The following POMGNT1 variants were observed in gnomAD, a reference collection of about 807,000 sequenced individuals.
POMGNT1 encodes protein O-linked mannose N-acetylglucosaminyltransferase 1 (beta 1,2-).
A neutral mutation model predicts 95.6 loss-of-function variants in POMGNT1; 67 were observed. That is an observed-to-expected ratio of 0.70 (90% confidence interval 0.58 to 0.86). The LOEUF (loss-of-function observed/expected upper bound fraction) is 0.86. POMGNT1 is among the 40% of genes least tolerant of loss of function. The pLI, the probability that POMGNT1 is intolerant of heterozygous loss-of-function variation, is 0.00. For missense variants in POMGNT1, 719 were observed against 855.2 expected (o/e 0.84, Z 1.99); for synonymous variants, 298 against 317.9 (o/e 0.94, Z 0.66).
chr1:46,206,358 G>T (rs142815979), intron 1 of POMGNT1, among the ~76,000 whole-genome samples: 143 of 152,228 alleles, frequency 9.4e-4, no homozygotes, highest in African/African-American at 3.3e-3. Context: ...CCCGCTCTGG[G>T]AGCTCGGACT....
chr1:46,192,326 C>G lies in POMGNT1; in HGVS notation c.1395G>C (p.Lys465Asn), dbSNP rs1657843296. Residue 465 changes from lysine to asparagine, a missense_variant, in exon 16 of 22, where the codon AAG (lysine) becomes AAC (asparagine). Lys to Asn is a moderately conservative substitution (Grantham distance 94). Coordinates refer to ENST00000371984, the MANE Select transcript of POMGNT1 (RefSeq NM_017739.4). ...RSLYKEELEP[K>N]WPTPEKLWDW... ...CAGTTACCTTTTCCGGTGTAGGCCACTTGGGCTCAAGCTCCTCCTTGTACA... is the reference window on the plus strand; with the variant it reads ...CAGTTACCTTTTCCGGTGTAGGCCAGTTGGGCTCAAGCTCCTCCTTGTACA... 2 of 1,614,180 alleles carry G rather than the reference C, an allele frequency of 1.2e-6. No individual in the cohort carries two copies. Among genetic ancestry groups the G allele is most frequent in the Admixed American group, 3.3e-5 (2 of 60,030 alleles).
chr1:46,208,369 T>C (rs927149785), intron 1 of POMGNT1, among the ~76,000 whole-genome samples: 62 of 152,168 alleles, frequency 4.1e-4, no homozygotes, highest in Non-Finnish European at 2.6e-4. Context: ...AGGTAAGAAA[T>C]GATGCCTTTT....
At chr1:46,200,876 C>G (rs905677302), upstream of POMGNT1, among the ~76,000 whole-genome samples, 7 of 152,228 alleles carry the variant, frequency 4.6e-5, no homozygotes, top group Admixed American at 4.6e-4. Context: ...GTGGCTCATG[C>G]CTGTAATCCC....
rs1571692718 is a variant in POMGNT1 at position 46,218,432 on chromosome 1, G to T, written c.-51+1273C>A. On this transcript the variant is annotated intron_variant, in intron 1 of 22. Coordinates refer to the POMGNT1 transcript ENST00000371992. ...AACTAAATAAAACTAGTTTTAAAAAGTCATTTGTGGCAGCACCTTGGGTTC... is the reference window on the plus strand; with the variant it reads ...AACTAAATAAAACTAGTTTTAAAAATTCATTTGTGGCAGCACCTTGGGTTC... Among the ~76,000 whole-genome samples the T allele has an allele frequency of 2.6e-5, 4 of 152,320 alleles. No individual in the cohort carries two copies. In the South Asian group the frequency reaches 8.3e-4, roughly 32 times the overall value.
chr1:46,197,338 C>G (rs928921968), intron 2 of POMGNT1: 12 of 1,481,082 alleles, frequency 8.1e-6, no homozygotes, highest in Non-Finnish European at 1.1e-5. Flanking sequence ...TATTTGAGAC[C>G]TTGATTTCCT....
upstream of POMGNT1, among the ~76,000 whole-genome samples, chr1:46,202,916 G>GGGGT (rs1553164823): frequency 7.3e-5 from 7 of 95,770 alleles, 1 homozygote; most frequent in South Asian, 3.9e-4. Context: ...TGGGGGGGGG[G>GGGGT]GGTGGTGTGT....
In POMGNT1 at chr1:46,197,722, C is replaced by A; in HGVS notation, c.100G>T (p.Ala34Ser). ...TATACCTGACAGAATCTCCGCAGGGCCCGCTGGTTTGTCAGTTTATACTTC... is the reference window on the plus strand; with the variant it reads ...TATACCTGACAGAATCTCCGCAGGGACCGCTGGTTTGTCAGTTTATACTTC... The part of the protein sequence containing the change: ...TWKYKLTNQR[A>S]LRRFCQTGAV... Residue 34 changes from alanine (A) to serine (S), a missense_variant, in exon 2 of 22, where the codon GCC (alanine) becomes TCC (serine). Transcript: ENST00000371984. 6.2e-7 allele frequency: 1 copy of A among 1,614,116 alleles called. No homozygotes were observed. The highest frequency in any genetic ancestry group is 8.5e-7 in the Non-Finnish European group (1 of 1,179,994).
chr1:46,201,279 A>G (rs1308426613), upstream of POMGNT1, among the ~76,000 whole-genome samples: 1 of 152,120 alleles, frequency 6.6e-6, no homozygotes, highest in African/African-American at 2.4e-5. Flanking sequence ...TGGGAGGCTA[A>G]GGTGGGAGGA....
intron 17 of POMGNT1, 167 bp from the exon 18 acceptor site, chr1:46,190,951 C>T: frequency 2.9e-6 from 2 of 683,442 alleles, no homozygotes; most frequent in Non-Finnish European, 5.4e-6. Flanking sequence ...CCTCAGCAAG[C>T]TCTTACTAGC....
intron 1 of POMGNT1, among the ~76,000 whole-genome samples, chr1:46,214,887 AG>A (rs1365133097): frequency 1.3e-5 from 2 of 149,252 alleles, no homozygotes; most frequent in African/African-American, 2.5e-5. Context: ...AAAAAAAAAA[AG>A]AGGAGTTGAT....
At chr1:46,200,251 C>G (rs1391433987), upstream of POMGNT1, among the ~76,000 whole-genome samples, 2 of 152,212 alleles carry the variant, frequency 1.3e-5, no homozygotes, top group Non-Finnish European at 2.9e-5. Flanking sequence ...ACTGACTCTT[C>G]ATGGATGATC....
At chr1:46,202,040 C>G (rs1658548441), upstream of POMGNT1, among the ~76,000 whole-genome samples, 1 of 151,178 alleles carries the variant, frequency 6.6e-6, no homozygotes, top group African/African-American at 2.4e-5. Flanking sequence ...CACCTCTAGG[C>G]CCACTCCCAA....
intron 20 of POMGNT1, 128 bp from the exon 21 acceptor site, chr1:46,189,695 T>C (rs946241366): frequency 2.6e-6 from 4 of 1,548,372 alleles, no homozygotes; most frequent in African/African-American, 2.7e-5. Context: ...TAGCATCTTT[T>C]AGAATATGAA....
At chr1:46,197,942 G>C in intron 1 of POMGNT1, 71 bp from the exon 2 acceptor site, 3 of 1,464,512 alleles carry the variant, frequency 2.0e-6, no homozygotes, top group Non-Finnish European at 2.8e-6. Context: ...GGGAGATGAG[G>C]GAGGACCTCC....
upstream of POMGNT1, among the ~76,000 whole-genome samples, chr1:46,202,906 T>TGGAG (rs1553164803): frequency 2.6e-4 from 2 of 7,572 alleles, 1 homozygote; most frequent in Non-Finnish European, 7.6e-4. Context: ...TTCTAGCCCC[T>TGGAG]GGGGGGGGGG....
chr1:46,199,355 C>T (rs1658467940), upstream of POMGNT1, among the ~76,000 whole-genome samples: 1 of 152,246 alleles, frequency 6.6e-6, no homozygotes, highest in Non-Finnish European at 1.5e-5. Context: ...TTAACCACTG[C>T]ACTCTGCTGG....
chr1:46,213,144 T>C (rs1658955966), intron 1 of POMGNT1, among the ~76,000 whole-genome samples: 1 of 151,946 alleles, frequency 6.6e-6, no homozygotes, highest in African/African-American at 2.4e-5. Flanking sequence ...TATATAAGTG[T>C]GTACACATAC....
At chr1:46,194,166 G>C (rs1360606840) in intron 9 of POMGNT1, 108 bp downstream of exon 9, 35 of 1,598,152 alleles carry the variant, frequency 2.2e-5, no homozygotes, top group Admixed American at 1.0e-4. Context: ...TCCTGCCCCT[G>C]GTTCTCTCCC....
intron 1 of POMGNT1, among the ~76,000 whole-genome samples, chr1:46,210,948 T>G (rs1303822725): frequency 2.6e-5 from 4 of 150,964 alleles, no homozygotes; most frequent in Non-Finnish European, 5.9e-5. Flanking sequence ...CTAATTTTTT[T>G]TTTTTTTTTT....
Sources: gnomAD v4.1 joint callset for allele counts (sites outside exome capture counted in the v4.1 genomes callset) on GRCh38, gnomAD v4.1.1 for gene constraint, MANE v1.5 for transcripts, NCBI Gene and HGNC (gene_info 2026-07-23, HGNC 2026-07-21) for gene names.